MYO6: variants seen among roughly 807,000 people sequenced by gnomAD.
MYO6 encodes the protein unconventional myosin-VI.
MYO6 carries 74 observed loss-of-function variants against 178.7 expected under a neutral mutation model. The observed-to-expected ratio is 0.41, with a 90% CI of 0.34 to 0.50. MYO6 has a LOEUF of 0.50. MYO6 is among the 20% of genes least tolerant of loss of function. The pLI is 0.09. For missense variants in MYO6, 1,330 were observed against 1,547.4 expected, an observed-to-expected ratio of 0.86 and a Z score of 2.36; for synonymous variants, 477 against 504.6, an observed-to-expected ratio of 0.95 and a Z score of 0.73.
At chr6:75,793,074 G>A (rs997055046) in intron 1 of MYO6, among the ~76,000 whole-genome samples, 2 of 152,000 alleles carry the variant, frequency 1.3e-5, no homozygotes, top group Non-Finnish European at 1.5e-5. Context: ...TTATATGCAC[G>A]AGTCACTGTG....
Position 75,916,704 on chromosome 6 carries a change from A to C in MYO6, c.*1692A>C, listed in dbSNP as rs1037692448. ...AGTAGTGAGTAAAGTTCTTGAACAA[A>C]ATTTAGTAGCCAAATTGTTTTTTAA... On this transcript the variant is annotated 3_prime_UTR_variant, in exon 35 of 35. Transcript: ENST00000369977. The C allele has an allele frequency of 3.9e-5, 6 of 152,472 alleles. No individual in the cohort carries two copies. Among genetic ancestry groups the C allele is most frequent in the African/African-American group, 1.4e-4 (6 of 41,452 alleles). 9.4% of individuals were successfully genotyped at this position (152,472 alleles called of 1,614,324 possible).
At chr6:75,845,718 G>T (rs1190129237) in intron 10 of MYO6, among the ~76,000 whole-genome samples, 3 of 149,022 alleles carry the variant, frequency 2.0e-5, no homozygotes, top group African/African-American at 7.4e-5. Flanking sequence ...GGTGGAGTGG[G>T]TCACGCTTGT....
chr6:75,879,019 T>C (rs999080758), intron 20 of MYO6, among the ~76,000 whole-genome samples: 3 of 152,220 alleles, frequency 2.0e-5, no homozygotes, highest in Non-Finnish European at 4.4e-5. Context: ...AAGGCAGTCT[T>C]TATAGTGAAA....
At chr6:75,910,482 C>G (rs183339872) in intron 32 of MYO6, among the ~76,000 whole-genome samples, 4 of 152,162 alleles carry the variant, frequency 2.6e-5, no homozygotes, top group African/African-American at 9.6e-5. Flanking sequence ...CTTGCTGGTT[C>G]AACTACTGTT....
At chr6:75,768,777 A>C (rs1778663739) in intron 1 of MYO6, among the ~76,000 whole-genome samples, 1 of 152,188 alleles carries the variant, frequency 6.6e-6, no homozygotes, top group South Asian at 2.1e-4. Flanking sequence ...CTATATATGA[A>C]CTATTTTGCC....
intron 16 of MYO6, 142 bp downstream of exon 16, chr6:75,862,865 C>A: frequency 2.1e-6 from 2 of 964,616 alleles, no homozygotes; most frequent in Non-Finnish European, 3.2e-6. Flanking sequence ...AGCACAGTAT[C>A]TTCCTTAGAT....
chr6:75,754,970 C>T (rs892922395), intron 1 of MYO6, among the ~76,000 whole-genome samples: 5 of 152,116 alleles, frequency 3.3e-5, no homozygotes, highest in African/African-American at 9.7e-5. Flanking sequence ...TGGCTCATGC[C>T]GGTAATCCCA....
intron 19 of MYO6, 152 bp from the exon 20 acceptor site, chr6:75,873,055 G>A: frequency 1.5e-6 from 1 of 675,598 alleles, no homozygotes. Flanking sequence ...TTACAGGCAT[G>A]AGCCACTGCT....
chr6:75,840,541 T>C (rs776336615), intron 7 of MYO6, 44 bp from the exon 8 acceptor site: 2 of 1,281,676 alleles, frequency 1.6e-6, no homozygotes, highest in Non-Finnish European at 2.3e-6. Flanking sequence ...TTTGTAATGT[T>C]CCGTCATGCT....
chr6:75,851,396 G>GT (rs1172283401), intron 11 of MYO6, among the ~76,000 whole-genome samples: 1 of 152,106 alleles, frequency 6.6e-6, no homozygotes, highest in Non-Finnish European at 1.5e-5. Flanking sequence ...TATTATATTT[G>GT]TCTTCATCCT....
chr6:75,771,751 A>C (rs990471155), intron 1 of MYO6, among the ~76,000 whole-genome samples: 2 of 152,218 alleles, frequency 1.3e-5, no homozygotes, highest in Non-Finnish European at 2.9e-5. Flanking sequence ...GCTACAGCTT[A>C]AACCATTAAG....
chr6:75,800,311 G>T (rs1203394778), intron 1 of MYO6, among the ~76,000 whole-genome samples: 1 of 152,164 alleles, frequency 6.6e-6, no homozygotes, highest in African/African-American at 2.4e-5. Context: ...ACACAATTAA[G>T]AGGAGACAGG....
Position 75,907,610 on chromosome 6 carries a change from C to A in MYO6, c.3182C>A (p.Pro1061His), listed in dbSNP as rs769027848. The change falls in exon 31 of 35, where the codon CCT becomes CAT. Residue 1061 changes from proline to histidine, a missense_variant. This residue lies in a region of MYO6 where 601 missense variants were observed against 626.1 expected (regional missense o/e 0.96). Transcript: ENST00000369977. Reference protein sequence around the residue: ...KEMSEFLSRGPAVLATKAAAG... With the variant: ...KEMSEFLSRGHAVLATKAAAG... ...AAAATGTGTAATAATTACAGAGGTC[C>A]TGCTGTACTAGCCACCAAAGCAGCT... 1 of 1,611,392 alleles carries A rather than the reference C, an allele frequency of 6.2e-7. No homozygotes were observed. Among genetic ancestry groups the A allele is most frequent in the Non-Finnish European group, 8.5e-7 (1 of 1,177,880 alleles).
At chr6:75,823,066 A>G (rs1331058661) in intron 3 of MYO6, among the ~76,000 whole-genome samples, 2 of 152,162 alleles carry the variant, frequency 1.3e-5, no homozygotes, top group Non-Finnish European at 2.9e-5. Flanking sequence ...TTTTGGTGTT[A>G]TTTGAGTTGC....
intron 28 of MYO6, chr6:75,894,674 T>C: frequency 2.0e-6 from 1 of 503,296 alleles, no homozygotes. Context: ...GAGTTTTTTC[T>C]CTAACAAATT....
chr6:75,761,558 A>G (rs1449892346), intron 1 of MYO6, among the ~76,000 whole-genome samples: 1 of 151,706 alleles, frequency 6.6e-6, no homozygotes, highest in East Asian at 1.9e-4. Context: ...GGCTGCATAT[A>G]CTGATGCTAG....
In MYO6 at chr6:75,908,388, T is replaced by TA. The variant is rs534354168; in HGVS notation, c.3281-106dup. On this transcript the variant is annotated intron_variant, in intron 31 of 34. Coordinates refer to ENST00000369977, the MANE Select transcript of MYO6 (RefSeq NM_004999.4). ...TAGCTTACTTTTGATTTTGTACCAT[T>TA]AATTTAAAAATAAAAAAATCTCCTT... The TA allele has an allele frequency of 1.0e-4, 104 of 1,037,584 alleles. No individual in the cohort carries two copies. In the African/African-American group the frequency reaches 1.5e-3, roughly 15 times the overall value. The allele number at this position is 1,037,584 out of a possible 1,614,324, so 64.3% of individuals were successfully genotyped here. A position where few individuals can be genotyped will look rare whatever the true frequency, so the allele number is the denominator to read the frequency against.
chr6:75,896,903 A>T (rs371362929), intron 29 of MYO6, among the ~76,000 whole-genome samples: 2 of 152,242 alleles, frequency 1.3e-5, no homozygotes, highest in African/African-American at 2.4e-5. Context: ...TTATATTTGC[A>T]TATAGTTTGG....
intron 20 of MYO6, among the ~76,000 whole-genome samples, chr6:75,878,480 A>G (rs540095080): frequency 1.1e-4 from 17 of 152,210 alleles, no homozygotes; most frequent in Non-Finnish European, 1.9e-4. Flanking sequence ...TCTGCTAAGA[A>G]TGCATCTGTG....
Sources: allele counts gnomAD v4.1 joint callset (sites outside exome capture counted in the v4.1 genomes callset), GRCh38; gene constraint gnomAD v4.1.1; regional missense constraint gnomAD v4.1.1; transcripts MANE v1.5; gene names NCBI Gene and HGNC (gene_info 2026-07-23, HGNC 2026-07-21).